SLC15A5: variants seen among roughly 807,000 people sequenced by gnomAD.
SLC15A5 encodes the protein Peptide/histidine transporter ENSP00000340402.
In SLC15A5, 58 loss-of-function variants were observed where a neutral mutation model predicts 56.1. The observed-to-expected ratio is 1.03, with a 90% CI of 0.84 to 1.29. The LOEUF (loss-of-function observed/expected upper bound fraction) is 1.29. SLC15A5 is among the 50% of genes most tolerant of loss of function. The pLI is 0.00. For synonymous variants in SLC15A5, 264 were observed against 250.5 expected (o/e 1.05, Z -0.51); for missense variants, 681 against 672.1 (o/e 1.01, Z -0.15).
chr12:16,218,880 G>T (rs1282401716), intron 6 of SLC15A5, among the ~76,000 whole-genome samples: 1 of 151,990 alleles, frequency 6.6e-6, no homozygotes, highest in Non-Finnish European at 1.5e-5. Flanking sequence ...TTAATACTTT[G>T]CTGCAGCAAA....
chr12:16,196,950 A>G lies in SLC15A5; in HGVS notation c.1484-2497T>C, dbSNP rs142748486. Among the ~76,000 whole-genome samples, 1 of 152,190 alleles carries G rather than the reference A, an allele frequency of 6.6e-6. No homozygotes were observed. Among genetic ancestry groups the G allele is most frequent in the East Asian group, 1.9e-4 (1 of 5,172 alleles). On this transcript the variant is annotated intron_variant, in intron 7 of 8. Transcript: ENST00000344941. The surrounding 1 kb of genome is among the most constrained non-coding windows in gnomAD (Gnocchi z 4.0). ...TCACTGGGGATGCTGTGGAAAACAG[A>G]AATGACAAGTACTATGACTTGGTAT... is the stretch of plus-strand genomic sequence containing the variant.
intron 2 of SLC15A5, among the ~76,000 whole-genome samples, chr12:16,265,036 A>G (rs943011586): frequency 6.6e-5 from 10 of 152,174 alleles, no homozygotes; most frequent in Admixed American, 6.6e-4. Flanking sequence ...TCATGGCAAG[A>G]AGTTTGGGTT....
intron 7 of SLC15A5, among the ~76,000 whole-genome samples, chr12:16,207,638 C>T (rs966477888): frequency 2.2e-4 from 33 of 151,700 alleles, no homozygotes; most frequent in African/African-American, 7.5e-4. Context: ...ACACCACCAG[C>T]GATATTTTTT....
chr12:16,216,133 A>G (rs1238248605), intron 7 of SLC15A5, among the ~76,000 whole-genome samples: 1 of 152,238 alleles, frequency 6.6e-6, no homozygotes, highest in Non-Finnish European at 1.5e-5. Flanking sequence ...AAAGTAGAGA[A>G]TACACTTGTG....
chr12:16,277,420 G>T lies in SLC15A5; in HGVS notation c.266C>A (p.Thr89Asn). 6.5e-7 allele frequency: 1 copy of T among 1,536,496 alleles called. No homozygotes were observed. The highest frequency in any genetic ancestry group is 8.7e-7 in the Non-Finnish European group (1 of 1,146,420). ...AAILNLCFIG[T>N]SILTPVFVRW... ...GACAAACACAGGGGTAAGTATTGAA[G>T]TTCCAATAAAACACAAGTTTAAGAT... The change falls in exon 1 of 9, where the codon ACT (threonine) becomes AAT (asparagine). Residue 89 changes from threonine to asparagine, a missense_variant. Thr to Asn is a moderately conservative substitution (Grantham distance 65). Coordinates refer to ENST00000344941, the MANE Select transcript of SLC15A5 (RefSeq NM_001170798.1).
chr12:16,238,599 C>T (rs1208829217), intron 5 of SLC15A5, among the ~76,000 whole-genome samples: 1 of 141,594 alleles, frequency 7.1e-6, no homozygotes, highest in African/African-American at 2.7e-5. Context: ...CACTGCACTC[C>T]AGCCTGGGCG....
intron 2 of SLC15A5, among the ~76,000 whole-genome samples, chr12:16,264,490 T>G (rs1317389188): frequency 6.6e-6 from 1 of 152,194 alleles, no homozygotes. Context: ...TTTGAGTTAA[T>G]GCTGAAATGA....
chr12:16,205,424 G>A (rs777689256), intron 7 of SLC15A5, among the ~76,000 whole-genome samples: 10 of 150,954 alleles, frequency 6.6e-5, no homozygotes, highest in South Asian at 6.3e-4. Flanking sequence ...AGTCTAAGGC[G>A]GGAATAAGTT....
chr12:16,192,113 A>C (rs910546045), intron 8 of SLC15A5, among the ~76,000 whole-genome samples: 3 of 152,070 alleles, frequency 2.0e-5, no homozygotes, highest in Non-Finnish European at 2.9e-5. Flanking sequence ...TTTGCACTTT[A>C]GTTTTTTGAT....
chr12:16,226,681 G>C (rs1409812129), intron 5 of SLC15A5, among the ~76,000 whole-genome samples: 1 of 152,154 alleles, frequency 6.6e-6, no homozygotes. Context: ...TAAGTGAAGA[G>C]TGTAAATGCC....
At chr12:16,204,450 T>C (rs1863993660) in intron 7 of SLC15A5, among the ~76,000 whole-genome samples, 3 of 149,648 alleles carry the variant, frequency 2.0e-5, no homozygotes, top group Admixed American at 2.0e-4. Context: ...AAAAAAAAAT[T>C]GGAGAAAAAA....
At chr12:16,238,026 C>T (rs1014908807) in intron 5 of SLC15A5, among the ~76,000 whole-genome samples, 1 of 152,100 alleles carries the variant, frequency 6.6e-6, no homozygotes, top group African/African-American at 2.4e-5. Context: ...TTATCAAAAC[C>T]TAAAGATTTA....
At chr12:16,223,746 T>C (rs555158561) in intron 6 of SLC15A5, among the ~76,000 whole-genome samples, 44 of 151,656 alleles carry the variant, frequency 2.9e-4, no homozygotes, top group African/African-American at 1.0e-3. Flanking sequence ...AGATGGAGTC[T>C]CACTCTGTCA....
intron 5 of SLC15A5, among the ~76,000 whole-genome samples, chr12:16,226,635 C>A (rs943554083): frequency 6.6e-6 from 1 of 152,040 alleles, no homozygotes; most frequent in Non-Finnish European, 1.5e-5. Context: ...CTAAAACTTT[C>A]GTTTAGAAAA....
chr12:16,246,739 G>T (rs576233040), intron 3 of SLC15A5, among the ~76,000 whole-genome samples: 2 of 151,808 alleles, frequency 1.3e-5, no homozygotes, highest in Non-Finnish European at 2.9e-5. Flanking sequence ...CTCACTAACC[G>T]TTTTTTTGTA....
chr12:16,200,306 C>T (rs929986017), intron 7 of SLC15A5, among the ~76,000 whole-genome samples: 1 of 151,508 alleles, frequency 6.6e-6, no homozygotes, highest in African/African-American at 2.4e-5. Flanking sequence ...TTTAAAGGGA[C>T]ATTGAAAATT....
chr12:16,259,886 C>T (rs78322083), intron 2 of SLC15A5, among the ~76,000 whole-genome samples: 1,513 of 137,354 alleles, frequency 0.011, 26 homozygotes, highest in African/African-American at 0.038. Context: ...CTGTACCCAG[C>T]TGACACCACC....
At chr12:16,259,905 G>GGGC (rs1555173564) in intron 2 of SLC15A5, among the ~76,000 whole-genome samples, 11 of 146,528 alleles carry the variant, frequency 7.5e-5, no homozygotes, top group Non-Finnish European at 1.1e-4. Flanking sequence ...CCCGGGCGGG[G>GGGC]GGTAAGTTAG....
At chr12:16,245,474 C>A (rs1864452990) in intron 3 of SLC15A5, among the ~76,000 whole-genome samples, 3 of 152,164 alleles carry the variant, frequency 2.0e-5, no homozygotes, top group Admixed American at 6.5e-5. Context: ...CAGATGGCAG[C>A]AGTCACTTAC....
Sources: gnomAD v4.1 joint callset for allele counts (sites outside exome capture counted in the v4.1 genomes callset) on GRCh38, gnomAD v4.1.1 for gene constraint, Gnocchi (gnomAD v3.1) non-coding constraint, MANE v1.5 for transcripts, NCBI Gene and HGNC (gene_info 2026-07-23, HGNC 2026-07-21) for gene names.